Variants in MACROD1 observed in about 807,000 individuals in gnomAD.
MACROD1 encodes ADP-ribose glycohydrolase MACROD1.
MACROD1 carries 31 observed loss-of-function variants against 41.4 expected under a neutral mutation model. That is an observed-to-expected ratio of 0.75 (90% CI 0.56 to 1.01). MACROD1 has a LOEUF of 1.01. MACROD1 is among the 50% of genes least tolerant of loss of function. The pLI is 0.00. For missense variants in MACROD1, 473 were observed against 460.0 expected (o/e 1.03, Z -0.26); for synonymous variants, 252 against 203.4 (o/e 1.24, Z -2.03).
chr11:64,151,429 C>G, intron 2 of MACROD1, 74 bp from the exon 3 acceptor site: 1 of 1,097,730 alleles, frequency 9.1e-7, no homozygotes. Flanking sequence ...GGCCCAGGGG[C>G]CAGGGCCTTC....
At chr11:64,095,949 C>T (rs1944568531) in intron 3 of MACROD1, among the ~76,000 whole-genome samples, 2 of 145,554 alleles carry the variant, frequency 1.4e-5, no homozygotes, top group South Asian at 4.6e-4. Flanking sequence ...TCGCTTTCTC[C>T]CTGGGGAGTC....
chr11:64,118,459 AAC>A, intron 3 of MACROD1: 1 of 676,082 alleles, frequency 1.5e-6, no homozygotes, highest in Non-Finnish European at 2.3e-6. Context: ...TGTAGAACAC[AAC>A]AGTGACAATT....
intron 3 of MACROD1, among the ~76,000 whole-genome samples, chr11:64,109,121 G>T (rs964141462): frequency 6.6e-6 from 1 of 152,172 alleles, no homozygotes; most frequent in Non-Finnish European, 1.5e-5. Flanking sequence ...GGTGAAAGAG[G>T]AGACGTGGGA....
At chr11:64,003,876 T>C (rs1942866647) in intron 4 of MACROD1, among the ~76,000 whole-genome samples, 2 of 152,194 alleles carry the variant, frequency 1.3e-5, no homozygotes, top group African/African-American at 4.8e-5. Context: ...GCTGCCCTGG[T>C]GGCCTCTTGT....
At chr11:64,136,080 A>G (rs1341933060) in intron 3 of MACROD1, among the ~76,000 whole-genome samples, 2 of 152,212 alleles carry the variant, frequency 1.3e-5, no homozygotes, top group Non-Finnish European at 2.9e-5. Flanking sequence ...CAGAAAGGAC[A>G]CTGCCACAAA....
At chr11:64,031,277 C>T (rs996160696) in intron 3 of MACROD1, among the ~76,000 whole-genome samples, 5 of 152,126 alleles carry the variant, frequency 3.3e-5, no homozygotes, top group African/African-American at 1.2e-4. Context: ...TGGGACTTTC[C>T]TCCTGGGCTG....
intron 3 of MACROD1, among the ~76,000 whole-genome samples, chr11:64,095,560 G>A (rs1050119498): frequency 6.6e-6 from 1 of 152,178 alleles, no homozygotes; most frequent in Non-Finnish European, 1.5e-5. Flanking sequence ...TGGCAGAGCT[G>A]GTGGGAGGGA....
At chr11:64,001,896 G>T in intron 4 of MACROD1, 1 of 642,994 alleles carries the variant, frequency 1.6e-6, no homozygotes, top group Non-Finnish European at 2.8e-6. Context: ...CCACAGATGT[G>T]TGACCCCTCA....
At chr11:64,098,764 C>T (rs150985501) in intron 3 of MACROD1, among the ~76,000 whole-genome samples, 5 of 152,344 alleles carry the variant, frequency 3.3e-5, no homozygotes, top group Non-Finnish European at 7.3e-5. Context: ...GCCCTCTTTG[C>T]CACAGGGCAG....
chr11:64,158,316 AGGCCTGAG>A lies in MACROD1; in HGVS notation c.299-5931_299-5924del, dbSNP rs1370625928. Among the ~76,000 whole-genome samples the A allele has an allele frequency of 5.3e-5, 8 of 152,238 alleles. No individual in the cohort carries two copies. In the South Asian group the frequency reaches 1.0e-3, roughly 20 times the overall value. ...CCAGCACAGAGCAGAGAGAGGAGAC[AGGCCTGAG>A]GGCCTGAGGGGTGACAAGGAAGGGG... On this transcript the variant is annotated intron_variant, in intron 1 of 10. Coordinates refer to ENST00000255681, the MANE Select transcript of MACROD1 (RefSeq NM_014067.4).
rs909165845 is a variant in MACROD1 at position 64,097,638 on chromosome 11, G to A, written c.517+53601C>T. Among the ~76,000 whole-genome samples the A allele has an allele frequency of 6.6e-5, 10 of 152,372 alleles. No homozygotes were observed. In the East Asian group the frequency reaches 9.6e-4, roughly 15 times the overall value. On this transcript the variant is annotated intron_variant, in intron 3 of 10. Coordinates refer to ENST00000255681, the MANE Select transcript of MACROD1 (RefSeq NM_014067.4). The stretch of plus-strand genomic sequence containing the variant: ...CAGGAGATGGTTTAATTAGCAGAGC[G>A]GAGGCTGGGAGGGTTCGCACCACAC...
chr11:64,086,591 G>A (rs1322833730), intron 3 of MACROD1, among the ~76,000 whole-genome samples: 1 of 152,112 alleles, frequency 6.6e-6, no homozygotes, highest in Non-Finnish European at 1.5e-5. Flanking sequence ...TTTGCACAGC[G>A]GTTCTGCGAC....
At chr11:64,065,093 G>A (rs968394338) in intron 3 of MACROD1, among the ~76,000 whole-genome samples, 1 of 152,218 alleles carries the variant, frequency 6.6e-6, no homozygotes, top group Non-Finnish European at 1.5e-5. Context: ...CAGACTCGGC[G>A]GCCTCGGAGA....
chr11:64,009,855 C>A (rs1362842907), intron 4 of MACROD1, among the ~76,000 whole-genome samples: 1 of 152,276 alleles, frequency 6.6e-6, no homozygotes, highest in Non-Finnish European at 1.5e-5. Flanking sequence ...TGGGCTCGGG[C>A]CCCAAAGCCC....
intron 3 of MACROD1, among the ~76,000 whole-genome samples, chr11:64,047,840 T>C: frequency 6.9e-6 from 1 of 145,012 alleles, no homozygotes; most frequent in East Asian, 2.0e-4. Flanking sequence ...GAGGTTGCAG[T>C]GAGCTGAGAT....
At chr11:64,124,319 G>C (rs7929625) in intron 3 of MACROD1, among the ~76,000 whole-genome samples, 2 of 152,190 alleles carry the variant, frequency 1.3e-5, no homozygotes, top group Non-Finnish European at 1.5e-5. Context: ...GCTGCCCCAC[G>C]TGCAGTCCAA....
At chr11:64,015,193 GCAGA>G in intron 4 of MACROD1, 55 bp downstream of exon 4, 1 of 1,513,048 alleles carries the variant, frequency 6.6e-7, no homozygotes, top group Non-Finnish European at 8.9e-7. Flanking sequence ...CAGGGGAGGA[GCAGA>G]CCCAGCAGGG....
intron 3 of MACROD1, among the ~76,000 whole-genome samples, chr11:64,080,696 C>T (rs1182563471): frequency 2.6e-5 from 4 of 152,196 alleles, no homozygotes; most frequent in Non-Finnish European, 5.9e-5. Flanking sequence ...GAGGACCTCT[C>T]AGACCCAGGA....
At chr11:64,035,466 G>A (rs1257446945) in intron 3 of MACROD1, among the ~76,000 whole-genome samples, 1 of 152,096 alleles carries the variant, frequency 6.6e-6, no homozygotes, top group African/African-American at 2.4e-5. Flanking sequence ...AGGGTGCTGG[G>A]GAGGCGGCGC....
Sources: gnomAD v4.1 joint callset for allele counts (sites outside exome capture counted in the v4.1 genomes callset) on GRCh38, gnomAD v4.1.1 for gene constraint, MANE v1.5 for transcripts, NCBI Gene and HGNC (gene_info 2026-07-23, HGNC 2026-07-21) for gene names.